The following GRID2 variants were observed in gnomAD, a reference collection of about 807,000 sequenced individuals.
The protein encoded by GRID2 is glutamate ionotropic receptor delta type subunit 2.
GRID2 carries 33 observed loss-of-function variants against 114.8 expected under a neutral mutation model. The observed-to-expected ratio is 0.29, with a 90% CI of 0.22 to 0.38. The LOEUF (loss-of-function observed/expected upper bound fraction) is 0.38. Ranked by LOEUF, GRID2 falls within the 10% of genes least tolerant of loss-of-function variation. The probability of loss-of-function intolerance (pLI) is 1.00; values close to 1 mark genes in which losing one functional copy is unlikely to be tolerated. For missense variants in GRID2, 1,184 were observed against 1,257.7 expected (o/e 0.94, Z 0.89); for synonymous variants, 505 against 449.9 (o/e 1.12, Z -1.55).
intron 4 of GRID2, among the ~76,000 whole-genome samples, chr4:93,137,644 T>A (rs2149382394): frequency 6.6e-6 from 1 of 152,302 alleles, no homozygotes; most frequent in African/African-American, 2.4e-5. Flanking sequence ...ATTTAGGCTA[T>A]CTTGTACTGC....
chr4:92,532,423 G>A (rs1443200600), intron 1 of GRID2, among the ~76,000 whole-genome samples: 1 of 152,064 alleles, frequency 6.6e-6, no homozygotes, highest in African/African-American at 2.4e-5. Context: ...TCCTTGTCGG[G>A]GATTTACTAA....
chr4:92,970,591 C>T (rs1417005258), intron 2 of GRID2, among the ~76,000 whole-genome samples: 1 of 151,886 alleles, frequency 6.6e-6, no homozygotes, highest in East Asian at 1.9e-4. Flanking sequence ...TCTGAGAGCA[C>T]ATATCTAGAA....
At chr4:93,611,278 T>C (rs1211965627) in intron 13 of GRID2, among the ~76,000 whole-genome samples, 1 of 111,476 alleles carries the variant, frequency 9.0e-6, no homozygotes, top group Non-Finnish European at 1.9e-5. Context: ...CCTGGATTCA[T>C]TGATTTTTTG....
At chr4:92,885,376 G>A (rs1265911492) in intron 2 of GRID2, among the ~76,000 whole-genome samples, 4 of 152,164 alleles carry the variant, frequency 2.6e-5, no homozygotes, top group African/African-American at 9.7e-5. Flanking sequence ...CCATGTTATT[G>A]ATACGTGGAG....
intron 14 of GRID2, among the ~76,000 whole-genome samples, chr4:93,690,533 A>T (rs1726467589): frequency 6.6e-6 from 1 of 152,006 alleles, no homozygotes; most frequent in Non-Finnish European, 1.5e-5. Context: ...GCCTTTTGAT[A>T]AAAACTGGCA....
In GRID2 at chr4:93,773,918, A is replaced by G. The variant is rs980312830; in HGVS notation, c.*1420A>G. 3.9e-5 allele frequency: 6 copies of G among 152,118 alleles called. No individual in the cohort carries two copies. The highest frequency in any genetic ancestry group is 8.8e-5 in the Non-Finnish European group (6 of 67,970). 9.4% of individuals were successfully genotyped at this position (152,118 alleles called of 1,614,324 possible). Reference sequence around the variant, plus strand: ...TTGTGCACAATCCTTTTAAAGTAGCATTCTTACTTGTTAGAAATGTAGAAT... The same window carrying G: ...TTGTGCACAATCCTTTTAAAGTAGCGTTCTTACTTGTTAGAAATGTAGAAT... On this transcript the variant is annotated 3_prime_UTR_variant, in exon 16 of 16. Transcript: ENST00000282020.
intron 1 of GRID2, among the ~76,000 whole-genome samples, chr4:92,377,438 C>G (rs369622600): frequency 6.6e-6 from 1 of 152,170 alleles, no homozygotes; most frequent in Admixed American, 6.5e-5. Flanking sequence ...CAACAAGTCT[C>G]TAGGAAGCTC....
chr4:92,732,824 T>G (rs920974461), intron 2 of GRID2, among the ~76,000 whole-genome samples: 1 of 152,152 alleles, frequency 6.6e-6, no homozygotes, highest in African/African-American at 2.4e-5. Flanking sequence ...GTTTATAGAT[T>G]AAGCCTTTAT....
chr4:93,463,090 A>G (rs1723906067), intron 11 of GRID2, among the ~76,000 whole-genome samples: 1 of 152,208 alleles, frequency 6.6e-6, no homozygotes, highest in Non-Finnish European at 1.5e-5. Context: ...AGGGACCAAA[A>G]TGCATTCTGA....
At chr4:92,832,303 A>G (rs2149400248) in intron 2 of GRID2, among the ~76,000 whole-genome samples, 1 of 151,964 alleles carries the variant, frequency 6.6e-6, no homozygotes, top group South Asian at 2.1e-4. Flanking sequence ...AAAAAATAAA[A>G]TTAGCCAAAT....
chr4:93,451,533 T>C (rs1427810452), intron 10 of GRID2, among the ~76,000 whole-genome samples: 4 of 152,088 alleles, frequency 2.6e-5, no homozygotes, highest in Non-Finnish European at 4.4e-5. Context: ...TAAAGGTGTG[T>C]AGACCATGTT....
At chr4:92,324,594 C>CAT (rs1443414498) in intron 1 of GRID2, among the ~76,000 whole-genome samples, 2 of 128,938 alleles carry the variant, frequency 1.6e-5, no homozygotes, top group African/African-American at 5.6e-5. Flanking sequence ...TACATACATA[C>CAT]AGACACACAC....
At chr4:93,280,175 A>G (rs1316790336) in intron 8 of GRID2, among the ~76,000 whole-genome samples, 2 of 151,948 alleles carry the variant, frequency 1.3e-5, no homozygotes, top group Non-Finnish European at 2.9e-5. Context: ...ACAAAACAAT[A>G]TGGAAATTTA....
At position 93,516,935 on chromosome 4, in the gene GRID2, T is replaced by C. The variant is rs77766525; in HGVS notation, c.2193+1524T>C. On this transcript the variant is annotated intron_variant, in intron 13 of 15. Transcript: ENST00000282020. The stretch of plus-strand genomic sequence containing the variant: ...CCCCCTGCCTTATAACCTCATTCTA[T>C]ACAGTATTATTGCAGAGAAATTTCA... 7.8e-3 allele frequency among the ~76,000 whole-genome samples: 1,182 copies of C among 152,230 alleles called. 9 individuals are homozygous for C. Among genetic ancestry groups the C allele is most frequent in the Middle Eastern group, 0.037 (11 of 294 alleles).
chr4:92,637,666 A>G (rs539795520), intron 2 of GRID2, among the ~76,000 whole-genome samples: 8 of 152,140 alleles, frequency 5.3e-5, no homozygotes, highest in African/African-American at 1.9e-4. Flanking sequence ...TTGAACTCCT[A>G]TACATCTTTA....
At chr4:92,687,204 G>C (rs62310188) in intron 2 of GRID2, among the ~76,000 whole-genome samples, 11,736 of 147,854 alleles carry the variant, frequency 0.079, 473 homozygotes, top group East Asian at 0.088. Context: ...TTTCAGGAAA[G>C]AGGCCCGTGT....
At chr4:92,512,380 T>C (rs1724295775) in intron 1 of GRID2, among the ~76,000 whole-genome samples, 1 of 151,874 alleles carries the variant, frequency 6.6e-6, no homozygotes, top group Admixed American at 6.6e-5. Context: ...TCTCTCCTTT[T>C]AATTCTTTTG....
At chr4:93,268,681 ATATAAT>A (rs1201891263) in intron 8 of GRID2, among the ~76,000 whole-genome samples, 1 of 152,226 alleles carries the variant, frequency 6.6e-6, no homozygotes, top group African/African-American at 2.4e-5. Flanking sequence ...ATCACAGAAG[ATATAAT>A]TATATAAATG....
chr4:93,024,634 T>A (rs766262007), intron 2 of GRID2, among the ~76,000 whole-genome samples: 5 of 151,800 alleles, frequency 3.3e-5, no homozygotes, highest in Non-Finnish European at 7.4e-5. Flanking sequence ...TACAGTTTGG[T>A]GTGATGGTTT....
Sources: allele counts gnomAD v4.1 joint callset (sites outside exome capture counted in the v4.1 genomes callset), GRCh38; gene constraint gnomAD v4.1.1; transcripts MANE v1.5; gene names NCBI Gene and HGNC (gene_info 2026-07-23, HGNC 2026-07-21).